The following CCL26 variants were observed in gnomAD, a reference collection of about 807,000 sequenced individuals.
The protein encoded by CCL26 is C-C motif chemokine ligand 26.
A neutral mutation model predicts 10.7 loss-of-function variants in CCL26; 10 were observed. The observed-to-expected ratio is 0.93, with a 90% confidence interval of 0.57 to 1.58. CCL26 has a LOEUF of 1.58. Ranked by LOEUF, CCL26 falls within the 40% of genes most tolerant of loss-of-function variation. The pLI is 0.00. For synonymous variants in CCL26, 43 were observed against 41.4 expected, an observed-to-expected ratio of 1.04 and a Z score of -0.15; for missense variants, 116 against 111.0, an observed-to-expected ratio of 1.05 and a Z score of -0.20.
rs541847445 is a variant in CCL26, at chr7:75,779,380, C to T, written c.-78-7126G>A. Among the ~76,000 whole-genome samples the T allele has an allele frequency of 3.3e-4, 50 of 152,272 alleles. 1 individual carries two copies. The highest frequency in any genetic ancestry group is 1.1e-3 in the African/African-American group (44 of 41,542). On this transcript the variant is annotated intron_variant, in intron 1 of 3. Coordinates refer to the CCL26 transcript ENST00000394905. ...TCCCATGTCCTCCTGCTCTTTGCTCCGTAAGAAAGATCCACCTATGACCTC... is the reference window on the plus strand; with the variant it reads ...TCCCATGTCCTCCTGCTCTTTGCTCTGTAAGAAAGATCCACCTATGACCTC...
chr7:75,771,808 G>A, intron 2 of CCL26, 81 bp downstream of exon 2: 1 of 870,306 alleles, frequency 1.1e-6, no homozygotes, highest in South Asian at 1.4e-5. Flanking sequence ...CCATCCCAAG[G>A]CTCATCCTGG....
chr7:75,776,123 G>A (rs573214410), upstream of CCL26, among the ~76,000 whole-genome samples: 12 of 146,264 alleles, frequency 8.2e-5, 1 homozygote, highest in South Asian at 2.6e-3. Context: ...CCAGGCTGGA[G>A]TGCAGTGGCA....
chr7:75,772,214 ACTC>A, upstream of CCL26: 1 of 1,460,384 alleles, frequency 6.8e-7, no homozygotes, highest in African/African-American at 1.4e-5. Context: ...TTTCTCCCAA[ACTC>A]CTCCTGCCTG....
chr7:75,789,122 G>A (rs1282227149), intron 1 of CCL26, among the ~76,000 whole-genome samples: 5 of 122,848 alleles, frequency 4.1e-5, no homozygotes, highest in Non-Finnish European at 8.4e-5. Context: ...TTGTAGAGAT[G>A]TGGCGGGCGG....
chr7:75,784,310 G>A (rs1253187835), intron 1 of CCL26, among the ~76,000 whole-genome samples: 6 of 152,116 alleles, frequency 3.9e-5, no homozygotes, highest in Non-Finnish European at 7.4e-5. Context: ...TGTCCAACTC[G>A]CCCAGCAGCC....
rs781853481 is a variant in CCL26 at position 75,771,976 on chromosome 7, C to T, written c.101G>A (p.Cys34Tyr). ...TRGSDISKTC[C>Y]FQYSHKPLPW... ...AAGGGGCTTGTGGCTGTATTGGAAG[C>T]AGCAGGTCTTGGATATGTCACTCCC... Residue 34 changes from cysteine to tyrosine, a missense_variant, in exon 2 of 3, where the codon TGC (cysteine) becomes TAC (tyrosine). Transcript: ENST00000005180. 1.2e-6 allele frequency: 2 copies of T among 1,614,118 alleles called. No homozygotes were observed. Among genetic ancestry groups the T allele is most frequent in the Non-Finnish European group, 1.7e-6 (2 of 1,179,966 alleles).
At position 75,769,693 on chromosome 7, in the gene CCL26, T is replaced by C; in HGVS notation, c.285A>G (p.Ter95TrpextTer3). ...GTCCTCGGATGAAAATTCAGCTGAG[T>C]CACAATTGTTTCGGAGTTTTCAGTA... ...ISLLKTPKQL[*>W] Residue 95 changes from the stop codon to tryptophan (W), a stop_lost, in exon 3 of 3, where the codon TGA (stop) becomes TGG (tryptophan). Coordinates refer to ENST00000005180, the MANE Select transcript of CCL26 (RefSeq NM_001371938.1). 6.3e-7 allele frequency: 1 copy of C among 1,599,650 alleles called. No individual in the cohort carries two copies. The highest frequency in any genetic ancestry group is 1.1e-5 in the South Asian group (1 of 90,840).
upstream of CCL26, chr7:75,790,021 C>T (rs1174307545): frequency 7.9e-6 from 1 of 127,330 alleles, no homozygotes; most frequent in Non-Finnish European, 1.7e-5. Flanking sequence ...TCCCTCCCTT[C>T]CTTCCTTCCT....
intron 1 of CCL26, among the ~76,000 whole-genome samples, chr7:75,787,165 T>G (rs1463939740): frequency 1.3e-5 from 2 of 152,134 alleles, no homozygotes; most frequent in Non-Finnish European, 2.9e-5. Context: ...AGTCATTTCT[T>G]CCCTTCTGTC....
chr7:75,783,786 CAAA>C (rs1318162003), intron 1 of CCL26, among the ~76,000 whole-genome samples: 6 of 87,744 alleles, frequency 6.8e-5, no homozygotes, highest in Admixed American at 2.6e-4. Context: ...GACTCCAGCT[CAAA>C]AAAAAAAAAA....
At chr7:75,782,718 A>C (rs912403827) in intron 1 of CCL26, among the ~76,000 whole-genome samples, 1 of 152,078 alleles carries the variant, frequency 6.6e-6, no homozygotes, top group Non-Finnish European at 1.5e-5. Context: ...AGATCTAGAT[A>C]ATTTTTGTCG....
intron 1 of CCL26, among the ~76,000 whole-genome samples, chr7:75,780,321 C>G (rs573746417): frequency 1.2e-4 from 18 of 152,130 alleles, no homozygotes; most frequent in Non-Finnish European, 2.6e-4. Context: ...ACTTTTCTCT[C>G]TGTGTCTCTA....
chr7:75,778,848 T>TTGG (rs59030718), intron 1 of CCL26, among the ~76,000 whole-genome samples: 1 of 149,142 alleles, frequency 6.7e-6, no homozygotes, highest in Non-Finnish European at 1.5e-5. Flanking sequence ...GAGGCCAAGG[T>TTGG]GGGGGGGGCA....
At chr7:75,779,330 C>A (rs558350855) in intron 1 of CCL26, among the ~76,000 whole-genome samples, 10 of 152,152 alleles carry the variant, frequency 6.6e-5, no homozygotes, top group African/African-American at 2.2e-4. Flanking sequence ...TGACTCGGAT[C>A]GGGGGACCTC....
At chr7:75,778,249 T>C (rs1802984189) in intron 1 of CCL26, among the ~76,000 whole-genome samples, 1 of 152,028 alleles carries the variant, frequency 6.6e-6, no homozygotes, top group Non-Finnish European at 1.5e-5. Flanking sequence ...TGAGACATGG[T>C]CTCACTCTGT....
Position 75,771,926 on chromosome 7 carries a change from C to T in CCL26, c.151G>A (p.Glu51Lys). Residue 51 changes from glutamate (E) to lysine (K), a missense_variant, in exon 2 of 3, where the codon GAA becomes AAA. Transcript: ENST00000005180. ...TGGGAGCAGCTGTTACTGGTGAATT[C>T]ATAGCTTCGCACCCAGGTCCAGGGA... ...PLPWTWVRSY[E>K]FTSNSCSQRA... The T allele has an allele frequency of 6.2e-7, 1 of 1,614,042 alleles. No individual in the cohort carries two copies. Among genetic ancestry groups the T allele is most frequent in the South Asian group, 1.1e-5 (1 of 91,078 alleles).
intron 1 of CCL26, among the ~76,000 whole-genome samples, chr7:75,784,621 C>T (rs1015150302): frequency 2.0e-5 from 3 of 152,136 alleles, no homozygotes; most frequent in African/African-American, 7.2e-5. Flanking sequence ...CTGGTGCCAA[C>T]TTGGACAACA....
intron 2 of CCL26, among the ~76,000 whole-genome samples, chr7:75,770,859 G>A (rs1802806116): frequency 6.6e-6 from 1 of 152,140 alleles, no homozygotes; most frequent in Admixed American, 6.6e-5. Flanking sequence ...CATTGTAATA[G>A]AACAGCTTTG....
chr7:75,781,012 C>G (rs1199730250), intron 1 of CCL26, among the ~76,000 whole-genome samples: 1 of 152,212 alleles, frequency 6.6e-6, no homozygotes, highest in African/African-American at 2.4e-5. Flanking sequence ...TCTGAACTCT[C>G]CCAAATCAGT....
Sources: gnomAD v4.1 joint callset for allele counts (sites outside exome capture counted in the v4.1 genomes callset) on GRCh38, gnomAD v4.1.1 for gene constraint, MANE v1.5 for transcripts, NCBI Gene and HGNC (gene_info 2026-07-23, HGNC 2026-07-21) for gene names.